Variants in ZC3H12C observed in about 807,000 individuals in gnomAD.
ZC3H12C encodes the protein probable ribonuclease ZC3H12C.
Under a neutral mutation model 76.3 loss-of-function variants are expected in ZC3H12C, and 20 were observed. The observed-to-expected ratio is 0.26, with a 90% CI of 0.18 to 0.38. The LOEUF (loss-of-function observed/expected upper bound fraction) is 0.38, where lower values mean the gene tolerates loss of function less well. ZC3H12C is among the 10% of genes least tolerant of loss of function. The pLI, the probability that ZC3H12C is intolerant of heterozygous loss-of-function variation, is 1.00. For synonymous variants in ZC3H12C, 352 were observed against 399.6 expected (o/e 0.88, Z 1.42); for missense variants, 874 against 1,086.5 (o/e 0.80, Z 2.75).
chr11:110,136,935 T>C lies in ZC3H12C; in HGVS notation c.294T>C (p.His98=). ...CTGAAGAAAACACAAATTCTGATCA[T>C]GAGTCAGAACAATTGGGTAGCATTT... is the stretch of plus-strand genomic sequence containing the variant. ...GDSEENTNSD[H]ESEQLGSISV... Residue 98 remains histidine, a synonymous_variant, in exon 2 of 6, where the codon CAT becomes CAC. Coordinates refer to ENST00000278590, the MANE Select transcript of ZC3H12C (RefSeq NM_033390.2). 2 of 1,613,738 alleles carry C rather than the reference T, an allele frequency of 1.2e-6. No individual in the cohort carries two copies. The highest frequency in any genetic ancestry group is 1.7e-6 in the Non-Finnish European group (2 of 1,179,820).
Position 110,118,920 on chromosome 11 carries a change from T to C in ZC3H12C, c.22-17743T>C, listed in dbSNP as rs1039303045. Among the ~76,000 whole-genome samples the C allele has an allele frequency of 2.6e-5, 4 of 152,240 alleles. No homozygotes were observed. The East Asian group carries it at 7.7e-4, about 29-fold the overall frequency. On this transcript the variant is annotated intron_variant, in intron 1 of 5. Coordinates refer to ENST00000278590, the MANE Select transcript of ZC3H12C (RefSeq NM_033390.2). ...ATAAACTGTCATTGATTGAACAATTTAATAAGTCAGCAATGCTTTTTAAGC... is the reference window on the plus strand; with the variant it reads ...ATAAACTGTCATTGATTGAACAATTCAATAAGTCAGCAATGCTTTTTAAGC...
At chr11:110,126,112 T>C (rs1448751253) in intron 1 of ZC3H12C, among the ~76,000 whole-genome samples, 1 of 152,192 alleles carries the variant, frequency 6.6e-6, no homozygotes, top group African/African-American at 2.4e-5. Context: ...TACCTATTGG[T>C]AGTTGCTTAG....
At position 110,137,076 on chromosome 11, in the gene ZC3H12C, C is replaced by T; in HGVS notation, c.435C>T (p.Ser145=). The stretch of plus-strand genomic sequence containing the variant: ...TGCAAGACTTTAAACCTGAAGAGTC[C>T]CAGACTACATCCAAGGAAGCAAAGA... ...EILQDFKPEE[S]QTTSKEAKKP... is the part of the protein sequence containing the mutation. Residue 145 remains serine, a synonymous_variant, in exon 2 of 6, where the codon TCC becomes TCT. Coordinates refer to ENST00000278590, the MANE Select transcript of ZC3H12C (RefSeq NM_033390.2). The T allele has an allele frequency of 1.9e-6, 3 of 1,613,758 alleles. No individual in the cohort carries two copies. The highest frequency in any genetic ancestry group is 2.5e-6 in the Non-Finnish European group (3 of 1,179,856).
chr11:110,125,565 G>A (rs4992688), intron 1 of ZC3H12C, among the ~76,000 whole-genome samples: 106,263 of 149,514 alleles, frequency 0.71, 38,272 homozygotes, highest in East Asian at 0.89. Context: ...TGATCTGCCC[G>A]CCTTGGCCTC....
chr11:110,163,444 A>G (rs987892065), intron 5 of ZC3H12C, 65 bp downstream of exon 5: 5 of 1,295,042 alleles, frequency 3.9e-6, no homozygotes, highest in East Asian at 2.6e-5. Flanking sequence ...AACTTTTGTT[A>G]ACAAAAATGA....
In ZC3H12C at chr11:110,169,389, ACT is replaced by A; in HGVS notation, c.*3656_*3657del. On this transcript the variant is annotated 3_prime_UTR_variant, in exon 6 of 6. Transcript: ENST00000278590. ...GTGTGTGTGTGTGTGTGTTTTGAAA[ACT>A]CTCAAGCTGTTTTCCCTCTGATTTA... 1 of 137,306 alleles carries A rather than the reference ACT, an allele frequency of 7.3e-6. No individual in the cohort carries two copies. Among genetic ancestry groups the A allele is most frequent in the Admixed American group, 7.3e-5 (1 of 13,792 alleles). 8.5% of individuals were successfully genotyped at this position (137,306 alleles called of 1,614,324 possible).
At chr11:110,093,956 C>T in intron 1 of ZC3H12C, among the ~76,000 whole-genome samples, 1 of 152,174 alleles carries the variant, frequency 6.6e-6, no homozygotes, top group East Asian at 1.9e-4. Context: ...GTCACGAAAG[C>T]CCCTCACTCC....
At chr11:110,093,783 G>A (rs1037374481) in intron 1 of ZC3H12C, among the ~76,000 whole-genome samples, 1 of 152,140 alleles carries the variant, frequency 6.6e-6, no homozygotes, top group Non-Finnish European at 1.5e-5. Context: ...ATGGAGGCGG[G>A]CTCGGGCGCC....
intron 2 of ZC3H12C, among the ~76,000 whole-genome samples, chr11:110,144,195 TTAAA>T (rs1428906380): frequency 6.6e-6 from 1 of 152,234 alleles, no homozygotes; most frequent in Non-Finnish European, 1.5e-5. Context: ...ATTAAAGCTA[TTAAA>T]TAAAGATGTA....
intron 4 of ZC3H12C, among the ~76,000 whole-genome samples, chr11:110,162,630 A>G (rs768509686): frequency 4.6e-5 from 7 of 152,254 alleles, no homozygotes; most frequent in Non-Finnish European, 1.0e-4. Context: ...TCAACTGAGA[A>G]GCGCATTCAA....
chr11:110,111,978 T>G (rs74684989), intron 1 of ZC3H12C, among the ~76,000 whole-genome samples: 1 of 14,148 alleles, frequency 7.1e-5, no homozygotes, highest in Non-Finnish European at 1.6e-4. Context: ...CGTGCACACA[T>G]GTACACATGA....
At chr11:110,099,791 G>A (rs1366212214) in intron 1 of ZC3H12C, among the ~76,000 whole-genome samples, 6 of 145,284 alleles carry the variant, frequency 4.1e-5, no homozygotes, top group Non-Finnish European at 7.5e-5. Flanking sequence ...CAGCCTGGGT[G>A]ACAAAGCAAG....
intron 1 of ZC3H12C, among the ~76,000 whole-genome samples, chr11:110,118,093 C>CATATATATTATATAT (rs1404885687): frequency 5.8e-5 from 3 of 51,766 alleles, no homozygotes; most frequent in African/African-American, 1.7e-4. Flanking sequence ...TATATATACA[C>CATATATATTATATAT]ATACACACAC....
At chr11:110,119,690 C>G (rs752097383) in intron 1 of ZC3H12C, among the ~76,000 whole-genome samples, 3 of 152,166 alleles carry the variant, frequency 2.0e-5, no homozygotes, top group Admixed American at 6.5e-5. Context: ...GTTCTGGAAG[C>G]TGGGAAGTCC....
At chr11:110,121,377 C>T (rs143277902) in intron 1 of ZC3H12C, among the ~76,000 whole-genome samples, 9 of 152,216 alleles carry the variant, frequency 5.9e-5, no homozygotes, top group Admixed American at 2.6e-4. Context: ...AGCTAACAAT[C>T]GAAATGCTTT....
Position 110,165,299 on chromosome 11 carries a change from C to T in ZC3H12C, c.2214C>T (p.His738=), listed in dbSNP as rs188275531. 4 of 1,614,036 alleles carry T rather than the reference C, an allele frequency of 2.5e-6. No individual in the cohort carries two copies. Among genetic ancestry groups the T allele is most frequent in the East Asian group, 4.5e-5 (2 of 44,882 alleles). ...PPSSAHSKAP[H]LGRSLVATRI... ...GTTCAGCACACTCTAAGGCACCACA[C>T]CTAGGGAGGTCCTTGGTGGCCACGA... Residue 738 remains histidine, a synonymous_variant, in exon 6 of 6, where the codon CAC becomes CAT. Coordinates refer to ENST00000278590, the MANE Select transcript of ZC3H12C (RefSeq NM_033390.2).
chr11:110,136,511 T>TAC (rs1565259863), intron 1 of ZC3H12C, 152 bp from the exon 2 acceptor site: 1 of 781,668 alleles, frequency 1.3e-6, no homozygotes. Flanking sequence ...TGGCAGATGA[T>TAC]ACTCTCTTGG....
intron 1 of ZC3H12C, among the ~76,000 whole-genome samples, chr11:110,108,420 G>T (rs1861370438): frequency 6.6e-6 from 1 of 152,180 alleles, no homozygotes; most frequent in Non-Finnish European, 1.5e-5. Flanking sequence ...TCAGAGGCTG[G>T]CAGACAAACC....
intron 3 of ZC3H12C, among the ~76,000 whole-genome samples, chr11:110,157,173 C>T (rs77619262): frequency 0.24 from 35,426 of 146,246 alleles, 4,260 homozygotes; most frequent in Middle Eastern, 0.38. Flanking sequence ...AGCAAGACTC[C>T]GTCTCAAAAA....
Sources: allele counts gnomAD v4.1 joint callset (sites outside exome capture counted in the v4.1 genomes callset), GRCh38; gene constraint gnomAD v4.1.1; transcripts MANE v1.5; gene names NCBI Gene and HGNC (gene_info 2026-07-23, HGNC 2026-07-21).